IL15: variants seen among roughly 807,000 people sequenced by gnomAD.
IL15 encodes interleukin 15.
IL15 carries 11 observed loss-of-function variants against 19.6 expected under a neutral mutation model. That is an observed-to-expected ratio of 0.56 (90% CI 0.35 to 0.93). The LOEUF is 0.93. IL15 is among the 40% of genes least tolerant of loss of function. The pLI is 0.01. For synonymous variants in IL15, 58 were observed against 59.6 expected (o/e 0.97, Z 0.12); for missense variants, 197 against 186.5 (o/e 1.06, Z -0.33).
intron 2 of IL15, among the ~76,000 whole-genome samples, chr4:141,706,155 T>A (rs1729507275): frequency 6.6e-6 from 1 of 152,004 alleles, no homozygotes; most frequent in Non-Finnish European, 1.5e-5. Flanking sequence ...TCCTCTTTTA[T>A]TGTTTATCTC....
At chr4:141,732,491 C>A (rs1730482109) in intron 7 of IL15, among the ~76,000 whole-genome samples, 2 of 152,202 alleles carry the variant, frequency 1.3e-5, no homozygotes, top group Non-Finnish European at 1.5e-5. Context: ...AAAGCAGGAA[C>A]TCCGTGGTCT....
chr4:141,727,183 A>G (rs534892236), intron 5 of IL15, among the ~76,000 whole-genome samples: 1 of 152,270 alleles, frequency 6.6e-6, no homozygotes, highest in South Asian at 2.1e-4. Flanking sequence ...AATGAGCCCT[A>G]ATATTCTGTA....
chr4:141,685,890 T>C (rs1728692912), intron 2 of IL15, among the ~76,000 whole-genome samples: 1 of 152,212 alleles, frequency 6.6e-6, no homozygotes, highest in African/African-American at 2.4e-5. Flanking sequence ...TTTGTTATTC[T>C]TACTGTTACA....
chr4:141,642,714 A>C (rs17460870), intron 1 of IL15, among the ~76,000 whole-genome samples: 4,651 of 152,288 alleles, frequency 0.031, 95 homozygotes, highest in East Asian at 0.08. Flanking sequence ...CCTGCTCAAA[A>C]TGTTAACCCT....
intron 2 of IL15, among the ~76,000 whole-genome samples, chr4:141,706,187 G>A (rs1389928421): frequency 6.6e-6 from 1 of 151,530 alleles, no homozygotes; most frequent in East Asian, 1.9e-4. Flanking sequence ...GGTTTTATGT[G>A]TTACTAAGCT....
chr4:141,706,640 T>A (rs983582971), intron 2 of IL15, among the ~76,000 whole-genome samples: 2 of 152,124 alleles, frequency 1.3e-5, no homozygotes, highest in Non-Finnish European at 2.9e-5. Context: ...TTTGTTTGTC[T>A]GGGAATGTCT....
rs529764845 is a variant in IL15, at chr4:141,702,294, G to C, written c.-99-17072G>C. 2.6e-5 allele frequency among the ~76,000 whole-genome samples: 4 copies of C among 152,288 alleles called. No individual in the cohort carries two copies. In the South Asian group the frequency reaches 8.3e-4, roughly 32 times the overall value. On this transcript the variant is annotated intron_variant, in intron 2 of 7. Coordinates refer to ENST00000320650, the MANE Select transcript of IL15 (RefSeq NM_000585.5). Reference sequence around the variant, plus strand: ...TTCCCCTAAAAATGGGACTTCTTGAGAGCTGTACTGCAGTGATTACTATTG... The same window carrying C: ...TTCCCCTAAAAATGGGACTTCTTGACAGCTGTACTGCAGTGATTACTATTG...
At chr4:141,695,920 G>A (rs1436221773) in intron 2 of IL15, among the ~76,000 whole-genome samples, 3 of 151,892 alleles carry the variant, frequency 2.0e-5, no homozygotes, top group Non-Finnish European at 4.4e-5. Context: ...TCTGTTAATA[G>A]TTTCCTTTGC....
At chr4:141,717,509 A>G (rs1729925106) in intron 2 of IL15, 1 of 152,098 alleles carries the variant, frequency 6.6e-6, no homozygotes, top group Non-Finnish European at 1.5e-5. Flanking sequence ...CCACAGGATG[A>G]CCCTTAGCAG....
intron 4 of IL15, 42 bp downstream of exon 4, chr4:141,720,608 C>T (rs1730042828): frequency 1.0e-6 from 1 of 994,234 alleles, no homozygotes; most frequent in African/African-American, 1.6e-5. Flanking sequence ...TGTTCATGGT[C>T]ATGATGATTG....
In IL15 at chr4:141,639,040, A is replaced by T. The variant is rs904949496; in HGVS notation, c.-222+2292A>T. Among the ~76,000 whole-genome samples, 2 of 152,226 alleles carry T rather than the reference A, an allele frequency of 1.3e-5. 1 individual carries two copies. Among genetic ancestry groups the T allele is most frequent in the Non-Finnish European group, 2.9e-5 (2 of 68,036 alleles). On this transcript the variant is annotated intron_variant, in intron 1 of 7. Coordinates refer to ENST00000320650, the MANE Select transcript of IL15 (RefSeq NM_000585.5). ...TAAGTTATGAGAAACAGTATGAATA[A>T]TAACTAACATTGTTGAGTTCTTATT...
intron 1 of IL15, among the ~76,000 whole-genome samples, chr4:141,641,848 A>G (rs1727056060): frequency 6.6e-6 from 1 of 152,142 alleles, no homozygotes. Context: ...AATTTAAAAA[A>G]AAAAAAGCCG....
intron 2 of IL15, among the ~76,000 whole-genome samples, chr4:141,670,654 G>T (rs1728142879): frequency 6.6e-6 from 1 of 152,098 alleles, no homozygotes; most frequent in African/African-American, 2.4e-5. Flanking sequence ...GTACAACCTA[G>T]AAATTATTTT....
chr4:141,719,515 C>A, intron 3 of IL15, 39 bp downstream of exon 3: 1 of 1,338,630 alleles, frequency 7.5e-7, no homozygotes, highest in Non-Finnish European at 1.1e-6. Flanking sequence ...TATGGAATTT[C>A]CCTTAAAGGT....
chr4:141,671,688 C>T (rs937761995), intron 2 of IL15, among the ~76,000 whole-genome samples: 1 of 152,180 alleles, frequency 6.6e-6, no homozygotes, highest in Admixed American at 6.5e-5. Context: ...AAAGATGTAA[C>T]AACAGAATGG....
At chr4:141,688,562 A>G (rs1728784320) in intron 2 of IL15, among the ~76,000 whole-genome samples, 1 of 152,246 alleles carries the variant, frequency 6.6e-6, no homozygotes, top group South Asian at 2.1e-4. Flanking sequence ...GCCACTATCT[A>G]TAGAAAGGTT....
intron 2 of IL15, among the ~76,000 whole-genome samples, chr4:141,690,879 C>T (rs1317641943): frequency 6.6e-6 from 1 of 152,110 alleles, no homozygotes; most frequent in Non-Finnish European, 1.5e-5. Flanking sequence ...TGTTTCATGC[C>T]TCTGTGCCAT....
chr4:141,721,126 A>G, intron 4 of IL15: 1 of 1,523,782 alleles, frequency 6.6e-7, no homozygotes, highest in Non-Finnish European at 8.9e-7. Context: ...CTCTCAGTTC[A>G]GTTTTACTCT....
chr4:141,731,827 T>C (rs1362338169), intron 7 of IL15, among the ~76,000 whole-genome samples: 1 of 152,224 alleles, frequency 6.6e-6, no homozygotes, highest in South Asian at 2.1e-4. Flanking sequence ...TTTTTATTTT[T>C]GCTGGCACAG....
Sources: gnomAD v4.1 joint callset for allele counts (sites outside exome capture counted in the v4.1 genomes callset) on GRCh38, gnomAD v4.1.1 for gene constraint, MANE v1.5 for transcripts, NCBI Gene and HGNC (gene_info 2026-07-23, HGNC 2026-07-21) for gene names.